FSTL4: variants seen among roughly 807,000 people sequenced by gnomAD.
FSTL4 encodes follistatin like 4, also known as follistatin-related protein 4.
FSTL4 carries 28 observed loss-of-function variants against 78.2 expected under a neutral mutation model. That is an observed-to-expected ratio of 0.36 (90% CI 0.27 to 0.49). FSTL4 has a LOEUF of 0.49. Ranked by LOEUF, FSTL4 falls within the 20% of genes least tolerant of loss-of-function variation. The probability of loss-of-function intolerance (pLI) is 0.98; values close to 1 mark genes in which losing one functional copy is unlikely to be tolerated. For missense variants in FSTL4, 922 were observed against 1,084.9 expected, an observed-to-expected ratio of 0.85 and a Z score of 2.11; for synonymous variants, 422 against 440.5, an observed-to-expected ratio of 0.96 and a Z score of 0.53.
At chr5:133,265,479 G>A (rs1350021830) in intron 6 of FSTL4, among the ~76,000 whole-genome samples, 1 of 152,208 alleles carries the variant, frequency 6.6e-6, no homozygotes, top group African/African-American at 2.4e-5. Flanking sequence ...TGACACAGGT[G>A]TGGTGACTGC....
the FSTL4 span, among the ~76,000 whole-genome samples, chr5:133,823,375 T>C: frequency 2.6e-5 from 4 of 152,294 alleles, no homozygotes; most frequent in East Asian, 5.8e-4. Context: ...CATGCCCCTG[T>C]ACCCAGAATC....
At chr5:133,482,810 G>A (rs1295429168) in intron 3 of FSTL4, among the ~76,000 whole-genome samples, 1 of 152,160 alleles carries the variant, frequency 6.6e-6, no homozygotes, top group Non-Finnish European at 1.5e-5. Flanking sequence ...GAACTTCAGA[G>A]CAAGCCTACA....
the FSTL4 span, among the ~76,000 whole-genome samples, chr5:133,788,985 C>A: frequency 6.6e-6 from 1 of 152,190 alleles, no homozygotes; most frequent in East Asian, 1.9e-4. Context: ...TTGCACTGGG[C>A]ACCCCTCTCT....
At chr5:133,479,192 C>T (rs113227334) in intron 3 of FSTL4, among the ~76,000 whole-genome samples, 3 of 152,210 alleles carry the variant, frequency 2.0e-5, no homozygotes, top group Non-Finnish European at 4.4e-5. Flanking sequence ...TGCTTGCCTG[C>T]ATGACAATCC....
At chr5:133,637,876 G>A in the FSTL4 span, among the ~76,000 whole-genome samples, 1 of 150,964 alleles carries the variant, frequency 6.6e-6, no homozygotes, top group Admixed American at 6.6e-5. Context: ...CTGACTTAAT[G>A]GGCTCCAGTC....
chr5:133,503,252 G>C (rs138106508), intron 3 of FSTL4, among the ~76,000 whole-genome samples: 1 of 152,150 alleles, frequency 6.6e-6, no homozygotes, highest in Non-Finnish European at 1.5e-5. Flanking sequence ...GGTTAGAAAC[G>C]GAGATATGAT....
At chr5:133,304,979 G>A (rs1010549197) in intron 6 of FSTL4, among the ~76,000 whole-genome samples, 14 of 152,222 alleles carry the variant, frequency 9.2e-5, no homozygotes, top group Non-Finnish European at 1.6e-4. Flanking sequence ...GGCAGGTGGA[G>A]GCAGATGCAT....
intron 6 of FSTL4, among the ~76,000 whole-genome samples, chr5:133,259,276 G>A (rs567452429): frequency 6.6e-6 from 1 of 152,162 alleles, no homozygotes; most frequent in East Asian, 1.9e-4. Flanking sequence ...GGCCAAGAAT[G>A]GGAGCAAGGA....
Position 133,495,632 on chromosome 5 carries a change from C to T in FSTL4, c.160+71554G>A, listed in dbSNP as rs141231694. ...GGGAAGTTAGGATCATCACAGTGAA[C>T]AGCAATGATGAGCCCATGCTCTGCT... is the stretch of plus-strand genomic sequence containing the variant. On this transcript the variant is annotated intron_variant, in intron 3 of 15. Transcript: ENST00000265342. 2.6e-3 allele frequency among the ~76,000 whole-genome samples: 400 copies of T among 152,268 alleles called. 7 individuals are homozygous for T. Among genetic ancestry groups the T allele is most frequent in the African/African-American group, 9.3e-3 (387 of 41,556 alleles).
intron 3 of FSTL4, among the ~76,000 whole-genome samples, chr5:133,462,451 C>T (rs1362480059): frequency 9.2e-5 from 14 of 152,248 alleles, no homozygotes; most frequent in Non-Finnish European, 2.1e-4. Flanking sequence ...TAACACTCAA[C>T]TCTGTGGCCC....
chr5:133,249,334 C>CT (rs931302923), intron 7 of FSTL4, 76 bp downstream of exon 7: 1 of 1,161,752 alleles, frequency 8.6e-7, no homozygotes, highest in African/African-American at 1.5e-5. Context: ...CGTCCTGCCA[C>CT]TGTCTGTGGC....
intron 6 of FSTL4, among the ~76,000 whole-genome samples, chr5:133,287,526 A>G (rs879649842): frequency 3.9e-5 from 6 of 152,104 alleles, no homozygotes; most frequent in Non-Finnish European, 5.9e-5. Flanking sequence ...GTGCTGGCCT[A>G]TGATGGAGGC....
At chr5:133,726,568 A>G in the FSTL4 span, among the ~76,000 whole-genome samples, 3 of 152,158 alleles carry the variant, frequency 2.0e-5, no homozygotes, top group Admixed American at 6.5e-5. Flanking sequence ...GAAGGCACAG[A>G]GGGGGTTTTT....
the FSTL4 span, among the ~76,000 whole-genome samples, chr5:133,689,368 A>G: frequency 7.2e-5 from 11 of 152,218 alleles, no homozygotes; most frequent in Non-Finnish European, 1.6e-4. Context: ...GAGCAATTAT[A>G]TAAGTTTAGA....
chr5:133,469,980 G>T (rs1208503856), intron 3 of FSTL4, among the ~76,000 whole-genome samples: 1 of 152,048 alleles, frequency 6.6e-6, no homozygotes, highest in Non-Finnish European at 1.5e-5. Context: ...CTAAAGAAAT[G>T]GAATCCACAG....
the FSTL4 span, among the ~76,000 whole-genome samples, chr5:133,663,435 A>C: frequency 6.6e-6 from 1 of 152,228 alleles, no homozygotes; most frequent in South Asian, 2.1e-4. Context: ...AAAAGATATC[A>C]ATGAGCCTTT....
chr5:133,479,463 A>T (rs1204149241), intron 3 of FSTL4, among the ~76,000 whole-genome samples: 6 of 152,258 alleles, frequency 3.9e-5, no homozygotes, highest in Non-Finnish European at 5.9e-5. Context: ...CAAGATGTTC[A>T]TCAGCCGATG....
the FSTL4 span, among the ~76,000 whole-genome samples, chr5:133,774,951 A>G: frequency 2.0e-5 from 3 of 151,938 alleles, no homozygotes; most frequent in Non-Finnish European, 4.4e-5. Context: ...GCAATAGTCT[A>G]GAATGTATAG....
the FSTL4 span, among the ~76,000 whole-genome samples, chr5:133,785,336 G>T: frequency 6.6e-6 from 1 of 152,186 alleles, no homozygotes; most frequent in Non-Finnish European, 1.5e-5. Flanking sequence ...TAGGCCAAGA[G>T]TGACCTACCA....
Sources: gnomAD v4.1 joint callset for allele counts (sites outside exome capture counted in the v4.1 genomes callset) on GRCh38, gnomAD v4.1.1 for gene constraint, MANE v1.5 for transcripts, NCBI Gene and HGNC (gene_info 2026-07-23, HGNC 2026-07-21) for gene names.